CD5: variants seen among roughly 807,000 people sequenced by gnomAD.
The protein encoded by CD5 is T-cell surface glycoprotein CD5.
In CD5, 36 loss-of-function variants were observed where a neutral mutation model predicts 60.3. The ratio of observed to expected loss-of-function variants is 0.60; its 90% CI spans 0.46 to 0.79. The LOEUF (loss-of-function observed/expected upper bound fraction) is 0.79. CD5 is among the 30% of genes least tolerant of loss of function. The pLI is 0.00. For synonymous variants in CD5, 230 were observed against 257.6 expected, an observed-to-expected ratio of 0.89 and a Z score of 1.03; for missense variants, 540 against 630.6, an observed-to-expected ratio of 0.86 and a Z score of 1.54.
At chr11:61,106,729 C>T (rs1006272518) in intron 1 of CD5, among the ~76,000 whole-genome samples, 1 of 152,180 alleles carries the variant, frequency 6.6e-6, no homozygotes, top group East Asian at 1.9e-4. Flanking sequence ...CGTATGAACA[C>T]ATATGTGCAC....
chr11:61,109,469 G>A (rs1408853366), intron 1 of CD5, among the ~76,000 whole-genome samples: 3 of 152,146 alleles, frequency 2.0e-5, no homozygotes, highest in Non-Finnish European at 4.4e-5. Flanking sequence ...TTTCAAAAAC[G>A]CCTGGATCTT....
At chr11:61,105,269 A>G (rs1400226109) in intron 1 of CD5, among the ~76,000 whole-genome samples, 1 of 152,210 alleles carries the variant, frequency 6.6e-6, no homozygotes, top group Non-Finnish European at 1.5e-5. Context: ...CACAAACTGC[A>G]CGTCCCTGAC....
chr11:61,125,144 T>C lies in CD5; in HGVS notation c.1392T>C (p.Ala464=). 1 of 1,613,968 alleles carries C rather than the reference T, an allele frequency of 6.2e-7. No homozygotes were observed. The highest frequency in any genetic ancestry group is 8.5e-7 in the Non-Finnish European group (1 of 1,179,926). The change falls in exon 9 of 11, where the codon GCT becomes GCC. Residue 464 remains alanine (A), a synonymous_variant. Transcript: ENST00000347785. ...SQPPRNSHLS[A]YPALEGALHR... is the part of the protein sequence containing the mutation. The stretch of plus-strand genomic sequence containing the variant: ...CTCCCAGGAACTCCCACCTGTCAGC[T>C]TATCCAGGTAAGCACCAGCGGGTGC...
At chr11:61,125,666 A>C in intron 9 of CD5, 85 bp from the exon 10 acceptor site, 1 of 872,034 alleles carries the variant, frequency 1.1e-6, no homozygotes, top group Non-Finnish European at 1.8e-6. Flanking sequence ...GTGATCTTCC[A>C]ACCCACTGTG....
Position 61,118,556 on chromosome 11 carries a change from C to A in CD5, c.400+76C>A, listed in dbSNP as rs1478855951. 6.8e-7 allele frequency: 1 copy of A among 1,460,722 alleles called. No homozygotes were observed. The highest frequency in any genetic ancestry group is 9.4e-7 in the Non-Finnish European group (1 of 1,064,288). 90.5% of individuals were successfully genotyped at this position (1,460,722 alleles called of 1,614,324 possible). A position where few individuals can be genotyped will look rare whatever the true frequency, so the allele number is the denominator to read the frequency against. On this transcript the variant is annotated intron_variant, in intron 3 of 10. Coordinates refer to ENST00000347785, the MANE Select transcript of CD5 (RefSeq NM_014207.4). The surrounding 1 kb of genome is among the most constrained non-coding windows in gnomAD (Gnocchi z 4.7). ...GAGGAGACTGCCCGAGGCCTGTGAT[C>A]TAGGGTCTGAGCAGGCTGGTGGAAG...
intron 1 of CD5, among the ~76,000 whole-genome samples, chr11:61,105,101 C>T (rs1337838554): frequency 6.6e-6 from 1 of 152,268 alleles, no homozygotes; most frequent in African/African-American, 2.4e-5. Flanking sequence ...AGCCTCCTGG[C>T]TGGCATCGGG....
In CD5 at chr11:61,119,435, A is replaced by G. The variant is rs1296716298; in HGVS notation, c.665A>G (p.Gln222Arg). The change falls in exon 5 of 11, where the codon CAA (glutamine) becomes CGA (arginine). Residue 222 changes from glutamine (Q) to arginine (R), a missense_variant. Gln to Arg is a conservative substitution (Grantham distance 43). Transcript: ENST00000347785. ...CCAGAGACTGAGGCAGGCAGAGCCC[A>G]AGACCCAGGGGAGCCACGGGAACAC... ...HLPETEAGRA[Q>R]DPGEPREHQP... 1 of 1,614,048 alleles carries G rather than the reference A, an allele frequency of 6.2e-7. No individual in the cohort carries two copies. Among genetic ancestry groups the G allele is most frequent in the African/African-American group, 1.3e-5 (1 of 74,936 alleles).
upstream of CD5, among the ~76,000 whole-genome samples, chr11:61,101,917 C>CT (rs1410616159): frequency 3.0e-4 from 42 of 141,254 alleles, no homozygotes; most frequent in African/African-American, 1.1e-3. Flanking sequence ...TCTCTACACA[C>CT]ACACACACAC....
rs771402380 is a variant in CD5, at chr11:61,118,939, C to T, written c.425C>T (p.Thr142Met). Residue 142 changes from threonine to methionine, a missense_variant, in exon 4 of 11, where the codon ACG (threonine) becomes ATG (methionine). Transcript: ENST00000347785. The surrounding 1 kb of genome is among the most constrained non-coding windows in gnomAD (Gnocchi z 4.7). ...CLEPQKTTPP[T>M]TRPPPTTTPE... is the part of the protein sequence containing the mutation. ...GAACCCCAGAAGACAACACCTCCAA[C>T]GACAAGGCCCCCGCCCACCACAACT... 5.6e-6 allele frequency: 9 copies of T among 1,613,744 alleles called. No individual in the cohort carries two copies. Among genetic ancestry groups the T allele is most frequent in the Middle Eastern group, 1.6e-4 (1 of 6,082 alleles).
At chr11:61,095,081 C>A in the CD5 span, among the ~76,000 whole-genome samples, 1 of 152,112 alleles carries the variant, frequency 6.6e-6, no homozygotes, top group Non-Finnish European at 1.5e-5. Flanking sequence ...AAGTCAGCAC[C>A]AAAAGTCCTG....
At chr11:61,120,129 A>T (rs2134607787) in intron 5 of CD5, among the ~76,000 whole-genome samples, 1 of 152,228 alleles carries the variant, frequency 6.6e-6, no homozygotes, top group Middle Eastern at 3.4e-3. Context: ...GGTAAAGAGA[A>T]TGATGCCGCT....
intron 1 of CD5, 105 bp downstream of exon 1, chr11:61,102,720 C>A (rs1725655019): frequency 9.9e-7 from 1 of 1,005,046 alleles, no homozygotes; most frequent in Admixed American, 2.1e-5. Context: ...ACATGTCAGC[C>A]CTCTGGAGCG....
the CD5 span, among the ~76,000 whole-genome samples, chr11:61,095,116 C>T: frequency 3.9e-5 from 6 of 152,234 alleles, no homozygotes; most frequent in East Asian, 9.7e-4. Flanking sequence ...AGAAGAGTCA[C>T]AGCAGGAATT....
chr11:61,119,102 T>C, intron 4 of CD5, 125 bp downstream of exon 4: 1 of 1,180,406 alleles, frequency 8.5e-7, no homozygotes, highest in Non-Finnish European at 1.2e-6. Context: ...TACGCAATAT[T>C]TGGGACCCCA....
chr11:61,111,073 A>G (rs889943470), intron 1 of CD5, among the ~76,000 whole-genome samples: 2 of 152,228 alleles, frequency 1.3e-5, no homozygotes, highest in African/African-American at 4.8e-5. Context: ...TTGGTTCTCC[A>G]GCTTGTTCAG....
At chr11:61,102,115 T>C (rs77326998), upstream of CD5, among the ~76,000 whole-genome samples, 3 of 152,208 alleles carry the variant, frequency 2.0e-5, no homozygotes, top group African/African-American at 7.2e-5. Flanking sequence ...ACTGGCATCA[T>C]GCTGCCCATT....
intron 5 of CD5, among the ~76,000 whole-genome samples, chr11:61,121,410 A>G (rs921909784): frequency 3.9e-5 from 6 of 152,228 alleles, no homozygotes; most frequent in African/African-American, 1.4e-4. Flanking sequence ...GGCACCAGAG[A>G]CAGTGCTGGG....
upstream of CD5, among the ~76,000 whole-genome samples, chr11:61,099,313 G>A (rs1860623590): frequency 1.3e-5 from 2 of 150,584 alleles, no homozygotes; most frequent in East Asian, 2.0e-4. Flanking sequence ...ACCCCAACAT[G>A]GAGATCACAC....
In CD5 at chr11:61,122,911, G is replaced by A. The variant is rs1307963372; in HGVS notation, c.1104G>A (p.Gln368=). Residue 368 remains glutamine, a synonymous_variant, in exon 7 of 11, where the codon CAG becomes CAA. Coordinates refer to ENST00000347785, the MANE Select transcript of CD5 (RefSeq NM_014207.4). ...TAACTCTTCCTCCTTCCCCAGGCCAGGATCCAAACCCCGCAGGCCTGGCCG... is the reference window on the plus strand; with the variant it reads ...TAACTCTTCCTCCTTCCCCAGGCCAAGATCCAAACCCCGCAGGCCTGGCCG... ...SYCKKVFVTC[Q]DPNPAGLAAG... is the part of the protein sequence containing the mutation. 2 of 1,612,206 alleles carry A rather than the reference G, an allele frequency of 1.2e-6. No individual in the cohort carries two copies. Among genetic ancestry groups the A allele is most frequent in the East Asian group, 2.2e-5 (1 of 44,864 alleles).
Sources: gnomAD v4.1 joint callset for allele counts (sites outside exome capture counted in the v4.1 genomes callset) on GRCh38, gnomAD v4.1.1 for gene constraint, Gnocchi (gnomAD v3.1) non-coding constraint, MANE v1.5 for transcripts, NCBI Gene and HGNC (gene_info 2026-07-23, HGNC 2026-07-21) for gene names.